Variants in PTPRF observed in about 807,000 individuals in gnomAD.
PTPRF encodes the protein receptor-type tyrosine-protein phosphatase F.
A neutral mutation model predicts 201.8 loss-of-function variants in PTPRF; 59 were observed. The observed-to-expected ratio is 0.29, with a 90% CI of 0.24 to 0.36. PTPRF has a LOEUF of 0.36. PTPRF is among the 10% of genes least tolerant of loss of function. The probability of loss-of-function intolerance (pLI) is 1.00; values close to 1 mark genes in which losing one functional copy is unlikely to be tolerated. For synonymous variants in PTPRF, 1,088 were observed against 1,089.7 expected (o/e 1.00, Z 0.03); for missense variants, 2,132 against 2,690.5 (o/e 0.79, Z 4.59).
rs1426997864 is a variant in PTPRF at position 43,605,089 on chromosome 1, T to C, written c.3135+89T>C. 4 of 1,577,382 alleles carry C rather than the reference T, an allele frequency of 2.5e-6. No individual in the cohort carries two copies. The African/African-American group carries it at 4.0e-5, about 16-fold the overall frequency. On this transcript the variant is annotated intron_variant, in intron 17 of 33. Coordinates refer to ENST00000359947, the MANE Select transcript of PTPRF (RefSeq NM_002840.5). ...CAGTCCTAACCCATGTGCATCCGGC[T>C]GTGGAGCAGGAATGTGGTTGTGTAT...
intron 5 of PTPRF, among the ~76,000 whole-genome samples, chr1:43,556,157 A>G (rs1645355529): frequency 6.6e-6 from 1 of 152,244 alleles, no homozygotes; most frequent in Non-Finnish European, 1.5e-5. Context: ...GAACAGCTGC[A>G]CATGTTTTCA....
chr1:43,606,679 A>C, intron 20 of PTPRF, 135 bp from the exon 21 acceptor site: 1 of 1,300,910 alleles, frequency 7.7e-7, no homozygotes, highest in South Asian at 1.4e-5. Context: ...CAGTCCTGCC[A>C]GGTCCACCTT....
chr1:43,583,002 CTG>C, intron 7 of PTPRF: 2 of 925,642 alleles, frequency 2.2e-6, no homozygotes, highest in Non-Finnish European at 2.6e-6. Context: ...TTTACTCTCT[CTG>C]TGTTTCTCCT....
In PTPRF at chr1:43,537,617, A is replaced by C. The variant is rs1046632529; in HGVS notation, c.-125-581A>C. On this transcript the variant is annotated intron_variant, in intron 1 of 33. Transcript: ENST00000359947. This position sits in a 1 kb window ranked among gnomAD's most constrained non-coding sequence, Gnocchi z 4.8. ...AGTCATGTTTGTGGTCACGGCTCCA[A>C]GCCAAGGTCCAGGCAGGTAGTCTGG... 6.6e-6 allele frequency among the ~76,000 whole-genome samples: 1 copy of C among 152,264 alleles called. No individual in the cohort carries two copies. Among genetic ancestry groups the C allele is most frequent in the Non-Finnish European group, 1.5e-5 (1 of 68,050 alleles).
At chr1:43,536,502 G>C (rs1644017497) in intron 1 of PTPRF, among the ~76,000 whole-genome samples, 2 of 152,312 alleles carry the variant, frequency 1.3e-5, no homozygotes, top group South Asian at 4.1e-4. Context: ...GCTGTGGCTG[G>C]GTGTGGCAGC....
Position 43,588,184 on chromosome 1 carries a change from C to T in PTPRF, c.680-547C>T, listed in dbSNP as rs566059045. On this transcript the variant is annotated intron_variant, in intron 7 of 33. Transcript: ENST00000359947. The surrounding 1 kb of genome is among the most constrained non-coding windows in gnomAD (Gnocchi z 5.3). ...CCTGGCAGGCGGCCCTGCTGCTTGCCTTATTTCTTCCCCTCAGGCCATGGC... is the reference window on the plus strand; with the variant it reads ...CCTGGCAGGCGGCCCTGCTGCTTGCTTTATTTCTTCCCCTCAGGCCATGGC... Among the ~76,000 whole-genome samples the T allele has an allele frequency of 2.0e-5, 3 of 152,262 alleles. No individual in the cohort carries two copies. The highest frequency in any genetic ancestry group is 2.4e-5 in the African/African-American group (1 of 41,558).
At chr1:43,592,006 G>C (rs1405283513) in intron 10 of PTPRF, 58 bp downstream of exon 10, 1 of 1,603,060 alleles carries the variant, frequency 6.2e-7, no homozygotes, top group South Asian at 1.1e-5. Context: ...GGTCTGTGAT[G>C]GGCTTAACCC....
chr1:43,575,884 T>A (rs1231686689), intron 6 of PTPRF: 1 of 1,358,176 alleles, frequency 7.4e-7, no homozygotes, highest in African/African-American at 1.5e-5. Flanking sequence ...TCTCTGATCT[T>A]ATTTGCATTC....
At chr1:43,536,479 A>G (rs1418593978) in intron 1 of PTPRF, among the ~76,000 whole-genome samples, 1 of 152,166 alleles carries the variant, frequency 6.6e-6, no homozygotes, top group Non-Finnish European at 1.5e-5. Flanking sequence ...TCAGTCTCCA[A>G]GCACGAGACC....
intron 5 of PTPRF, among the ~76,000 whole-genome samples, chr1:43,565,669 C>G (rs939161258): frequency 6.6e-6 from 1 of 152,336 alleles, no homozygotes; most frequent in Non-Finnish European, 1.5e-5. Context: ...TGGCCCCTCC[C>G]CGCACTGTGC....
intron 2 of PTPRF, among the ~76,000 whole-genome samples, chr1:43,544,442 G>C (rs1406345105): frequency 6.6e-6 from 1 of 152,202 alleles, no homozygotes; most frequent in Non-Finnish European, 1.5e-5. Flanking sequence ...GATACCTGGA[G>C]CCTGTCTTCT....
At chr1:43,578,591 A>G (rs1647091548) in intron 6 of PTPRF, among the ~76,000 whole-genome samples, 1 of 152,162 alleles carries the variant, frequency 6.6e-6, no homozygotes, top group South Asian at 2.1e-4. Flanking sequence ...TGTGGGGAGC[A>G]TGAGATTGTG....
chr1:43,525,783 C>T (rs1209011731), upstream of PTPRF, among the ~76,000 whole-genome samples: 6 of 115,304 alleles, frequency 5.2e-5, no homozygotes, highest in African/African-American at 1.4e-4. Flanking sequence ...CCAGCCTAGA[C>T]GACAGAGCAA....
chr1:43,526,595 G>C (rs548480526), upstream of PTPRF, among the ~76,000 whole-genome samples: 1 of 152,298 alleles, frequency 6.6e-6, no homozygotes, highest in South Asian at 2.1e-4. Flanking sequence ...TTGGGGAATT[G>C]ATGCTTTGGC....
Position 43,617,760 on chromosome 1 carries a change from A to G in PTPRF, c.4220A>G (p.Asn1407Ser), listed in dbSNP as rs1249085092. The change falls in exon 25 of 34, where the codon AAT (asparagine) becomes AGT (serine). Residue 1407 changes from asparagine (N) to serine (S), a missense_variant. Asn to Ser is a conservative substitution (Grantham distance 46, BLOSUM62 1). Around this residue, in one of 6 missense-constraint regions of PTPRF, gnomAD observed 818 missense variants for 915.3 expected, o/e 0.89. Transcript: ENST00000359947. Reference protein sequence around the residue: ...IDGVPGSDYINANYIDGYRKQ... With the variant: ...IDGVPGSDYISANYIDGYRKQ... ...GGCGTCCCCGGGAGTGACTACATCA[A>G]TGCCAACTACATCGATGGCTACCGC... 5.6e-6 allele frequency: 9 copies of G among 1,613,948 alleles called. No homozygotes were observed. The highest frequency in any genetic ancestry group is 7.6e-6 in the Non-Finnish European group (9 of 1,179,970).
chr1:43,566,044 G>T (rs969239001), intron 5 of PTPRF, among the ~76,000 whole-genome samples: 3 of 152,214 alleles, frequency 2.0e-5, no homozygotes, highest in Non-Finnish European at 4.4e-5. Flanking sequence ...GTCCACGTGT[G>T]GGGGACCCTG....
chr1:43,530,474 C>T (rs1480896179), upstream of PTPRF, among the ~76,000 whole-genome samples: 1 of 152,038 alleles, frequency 6.6e-6, no homozygotes, highest in Non-Finnish European at 1.5e-5. This position sits in a 1 kb window ranked among gnomAD's most constrained non-coding sequence, Gnocchi z 4.1. Context: ...TAGAGGTTCA[C>T]AACAAAATTA....
In PTPRF at chr1:43,593,479, C is replaced by T. The variant is rs546466819; in HGVS notation, c.1813+878C>T. On this transcript the variant is annotated intron_variant, in intron 11 of 33. Transcript: ENST00000359947. ...CTGTGTGTGGTCACACAGCCACAGT[C>T]AGCTGCTGCGTGAGACTCTGTGTGA... Among the ~76,000 whole-genome samples the T allele has an allele frequency of 5.9e-5, 9 of 152,278 alleles. No individual in the cohort carries two copies. The East Asian group carries it at 1.7e-3, about 29-fold the overall frequency.
intron 13 of PTPRF, among the ~76,000 whole-genome samples, chr1:43,601,399 G>A (rs990101795): frequency 2.0e-5 from 3 of 152,224 alleles, no homozygotes; most frequent in Admixed American, 6.5e-5. Flanking sequence ...GTGATTTCCC[G>A]TGCCTGTGGG....
Sources: gnomAD v4.1 joint callset for allele counts (sites outside exome capture counted in the v4.1 genomes callset) on GRCh38, gnomAD v4.1.1 for gene constraint, gnomAD v4.1.1 regional missense constraint, Gnocchi (gnomAD v3.1) non-coding constraint, MANE v1.5 for transcripts, NCBI Gene and HGNC (gene_info 2026-07-23, HGNC 2026-07-21) for gene names.